TRIO: variants seen among roughly 807,000 people sequenced by gnomAD.
TRIO encodes the protein trio Rho guanine nucleotide exchange factor.
In TRIO, 58 loss-of-function variants were observed where a neutral mutation model predicts 351.9. The ratio of observed to expected loss-of-function variants is 0.16; its 90% confidence interval spans 0.13 to 0.21. The LOEUF (loss-of-function observed/expected upper bound fraction) is 0.21. Ranked by LOEUF, TRIO falls within the 10% of genes least tolerant of loss-of-function variation. The pLI is 1.00. For missense variants in TRIO, 3,201 were observed against 4,027.8 expected, an observed-to-expected ratio of 0.79 and a Z score of 5.56; for synonymous variants, 1,758 against 1,595.7, an observed-to-expected ratio of 1.10 and a Z score of -2.42.
At position 14,508,468 on chromosome 5, in the gene TRIO, T is replaced by C. The variant is rs753188848; in HGVS notation, c.*46T>C. 2.1e-5 allele frequency: 32 copies of C among 1,536,484 alleles called. No homozygotes were observed. Among genetic ancestry groups the C allele is most frequent in the African/African-American group, 1.8e-4 (13 of 72,168 alleles). Reference sequence around the variant, plus strand: ...CATTCTCTTTCACCTGCCAATCAGCTGTTAATCTGAATTTTCAAGAGAAAA... The same window carrying C: ...CATTCTCTTTCACCTGCCAATCAGCCGTTAATCTGAATTTTCAAGAGAAAA... On this transcript the variant is annotated 3_prime_UTR_variant, in exon 57 of 57. Coordinates refer to ENST00000344204, the MANE Select transcript of TRIO (RefSeq NM_007118.4).
At chr5:14,454,014 C>T (rs1344136832) in intron 34 of TRIO, among the ~76,000 whole-genome samples, 1 of 152,140 alleles carries the variant, frequency 6.6e-6, no homozygotes, top group African/African-American at 2.4e-5. Flanking sequence ...ACTGCAACCT[C>T]TGCCTCCTGG....
chr5:14,284,296 G>C, intron 3 of TRIO, among the ~76,000 whole-genome samples: 1 of 152,276 alleles, frequency 6.6e-6, no homozygotes, highest in Non-Finnish European at 1.5e-5. Context: ...GTGTCTCTTA[G>C]GTGGTGGAAG....
chr5:14,167,946 A>G (rs1788868926), intron 1 of TRIO, among the ~76,000 whole-genome samples: 1 of 152,216 alleles, frequency 6.6e-6, no homozygotes, highest in Admixed American at 6.5e-5. Context: ...ATATATCAGA[A>G]TCATCTGATA....
intron 35 of TRIO, 152 bp from the exon 36 acceptor site, chr5:14,462,603 G>T: frequency 9.3e-7 from 1 of 1,076,642 alleles, no homozygotes; most frequent in East Asian, 2.4e-5. Flanking sequence ...GTAGCAGGAA[G>T]AGAGGAAAAG....
chr5:14,485,505 G>A lies in TRIO; in HGVS notation c.6835+259G>A, dbSNP rs1755852436. On this transcript the variant is annotated intron_variant, in intron 47 of 56. Transcript: ENST00000344204. The stretch of plus-strand genomic sequence containing the variant: ...TGCTTCGAGTCCCACAAGTTGTTGA[G>A]GGCAGAGTCAGGACACAGAGTGGCC... 2.0e-5 allele frequency among the ~76,000 whole-genome samples: 3 copies of A among 152,230 alleles called. No individual in the cohort carries two copies. In the South Asian group the frequency reaches 6.2e-4, roughly 32 times the overall value.
intron 37 of TRIO, among the ~76,000 whole-genome samples, chr5:14,467,923 TA>T (rs1420299764): frequency 1.3e-5 from 2 of 152,204 alleles, no homozygotes; most frequent in Non-Finnish European, 2.9e-5. Flanking sequence ...GAAGGGTGCT[TA>T]AATTGTATCC....
At chr5:14,454,003 C>T (rs560731449) in intron 34 of TRIO, among the ~76,000 whole-genome samples, 4 of 151,978 alleles carry the variant, frequency 2.6e-5, no homozygotes, top group Non-Finnish European at 4.4e-5. Context: ...AATTCTGGCT[C>T]ACTGCAACCT....
At chr5:14,245,625 G>C (rs1300109502) in intron 1 of TRIO, among the ~76,000 whole-genome samples, 1 of 152,220 alleles carries the variant, frequency 6.6e-6, no homozygotes, top group Non-Finnish European at 1.5e-5. Context: ...CTTGTCTGCA[G>C]ATCAGTGGCC....
intron 27 of TRIO, among the ~76,000 whole-genome samples, chr5:14,393,251 G>A (rs1033869451): frequency 1.3e-5 from 2 of 151,850 alleles, no homozygotes; most frequent in Non-Finnish European, 2.9e-5. Flanking sequence ...CGGGGGGTGG[G>A]GGTCTAGGAG....
At position 14,498,161 on chromosome 5, in the gene TRIO, G is replaced by T; in HGVS notation, c.8120G>T (p.Arg2707Leu). 6.2e-7 allele frequency: 1 copy of T among 1,614,180 alleles called. No individual in the cohort carries two copies. Among genetic ancestry groups the T allele is most frequent in the Non-Finnish European group, 8.5e-7 (1 of 1,180,018 alleles). The change falls in exon 52 of 57, where the codon CGA (arginine) becomes CTA (leucine). Residue 2707 changes from arginine to leucine, a missense_variant. Physicochemically the swap from Arg to Leu is moderately radical, Grantham distance 102. Coordinates refer to ENST00000344204, the MANE Select transcript of TRIO (RefSeq NM_007118.4). ...ETGETVVLRCRVCGRPKASIT... is the reference protein window; with the variant it reads ...ETGETVVLRCLVCGRPKASIT... The stretch of plus-strand genomic sequence containing the variant: ...GGGGAGACCGTTGTTCTTAGATGTC[G>T]AGTCTGTGGCCGCCCCAAAGCCTCA...
chr5:14,159,867 G>A (rs1396836395), intron 1 of TRIO, among the ~76,000 whole-genome samples: 1 of 152,138 alleles, frequency 6.6e-6, no homozygotes, highest in Non-Finnish European at 1.5e-5. Flanking sequence ...GTCCGGCCGA[G>A]CTTTATATTC....
chr5:14,379,374 C>A (rs1329553843), intron 20 of TRIO, among the ~76,000 whole-genome samples: 3 of 152,204 alleles, frequency 2.0e-5, no homozygotes, highest in Non-Finnish European at 4.4e-5. Flanking sequence ...TTGTTCCAAT[C>A]TGAAAAATGT....
intron 1 of TRIO, among the ~76,000 whole-genome samples, chr5:14,250,077 A>G (rs1794651532): frequency 6.6e-6 from 1 of 152,198 alleles, no homozygotes; most frequent in Non-Finnish European, 1.5e-5. Flanking sequence ...TTTATTTTTG[A>G]CACAAAGGAG....
chr5:14,271,621 A>T (rs1268479656), intron 2 of TRIO, among the ~76,000 whole-genome samples: 1 of 152,174 alleles, frequency 6.6e-6, no homozygotes, highest in Non-Finnish European at 1.5e-5. Flanking sequence ...TTTGGACCCC[A>T]GTTCACTTGT....
At chr5:14,476,529 C>G (rs1010881561) in intron 40 of TRIO, among the ~76,000 whole-genome samples, 1 of 152,198 alleles carries the variant, frequency 6.6e-6, no homozygotes, top group Non-Finnish European at 1.5e-5. Context: ...CGGTGGCTCA[C>G]GCCTGTAATC....
chr5:14,507,483 C>T (rs766529015), intron 56 of TRIO, among the ~76,000 whole-genome samples: 1 of 152,208 alleles, frequency 6.6e-6, no homozygotes, highest in Non-Finnish European at 1.5e-5. Context: ...CGGAGCCCTC[C>T]CAGCCTTCCA....
intron 55 of TRIO, among the ~76,000 whole-genome samples, chr5:14,506,425 A>G (rs1757692290): frequency 6.6e-6 from 1 of 152,048 alleles, no homozygotes; most frequent in Non-Finnish European, 1.5e-5. Flanking sequence ...GGGCCAGACC[A>G]CCTCAGTCCA....
At chr5:14,397,432 C>T (rs973159157) in intron 29 of TRIO, 9 of 336,214 alleles carry the variant, frequency 2.7e-5, no homozygotes, top group African/African-American at 1.7e-4. Context: ...CACCTGTTCT[C>T]CCTGTTAGAT....
chr5:14,180,492 TTAAA>T (rs1789704337), intron 1 of TRIO, among the ~76,000 whole-genome samples: 1 of 152,230 alleles, frequency 6.6e-6, no homozygotes, highest in Non-Finnish European at 1.5e-5. Flanking sequence ...CATTTTTAAC[TTAAA>T]TAAAAAAGGC....
Sources: allele counts gnomAD v4.1 joint callset (sites outside exome capture counted in the v4.1 genomes callset), GRCh38; gene constraint gnomAD v4.1.1; transcripts MANE v1.5; gene names NCBI Gene and HGNC (gene_info 2026-07-23, HGNC 2026-07-21).